The following DISP1 variants were observed in gnomAD, a reference collection of about 807,000 sequenced individuals.
DISP1 encodes the protein protein dispatched homolog 1.
DISP1 carries 30 observed loss-of-function variants against 37.3 expected under a neutral mutation model. That is an observed-to-expected ratio of 0.80 (90% confidence interval 0.60 to 1.09). DISP1 has a LOEUF of 1.09. DISP1 is among the 50% of genes least tolerant of loss of function. DISP1 has a pLI of 0.00. For synonymous variants in DISP1, 634 were observed against 690.2 expected (o/e 0.92, Z 1.28); for missense variants, 1,598 against 1,879.5 (o/e 0.85, Z 2.77).
At chr1:222,894,014 T>A (rs1187231754) in intron 1 of DISP1, among the ~76,000 whole-genome samples, 3 of 151,986 alleles carry the variant, frequency 2.0e-5, no homozygotes, top group African/African-American at 7.3e-5. Context: ...TCCCTACAAG[T>A]TGAGGAGACG....
At position 222,820,853 on chromosome 1, in the gene DISP1, A is replaced by G. The variant is rs566600199; in HGVS notation, c.-159+5775A>G. ...TAGCATTTATTTTACTGTATCATGC[A>G]GGCTGGCTGAGGGTGTTACTAGAAG... is the stretch of plus-strand genomic sequence containing the variant. On this transcript the variant is annotated intron_variant, in intron 1 of 8. Coordinates refer to ENST00000675850, the MANE Select transcript of DISP1 (RefSeq NM_001377229.1). Among the ~76,000 whole-genome samples the G allele has an allele frequency of 2.6e-5, 4 of 152,334 alleles. No individual in the cohort carries two copies. In the South Asian group the frequency reaches 8.3e-4, roughly 32 times the overall value.
chr1:222,840,182 G>A (rs569018979), intron 1 of DISP1, among the ~76,000 whole-genome samples: 56 of 152,136 alleles, frequency 3.7e-4, no homozygotes, highest in African/African-American at 1.0e-3. Context: ...TGGTAAAGTC[G>A]AACTATTATA....
At chr1:222,969,647 A>G (rs1285082421) in intron 3 of DISP1, among the ~76,000 whole-genome samples, 3 of 151,984 alleles carry the variant, frequency 2.0e-5, no homozygotes, top group Non-Finnish European at 4.4e-5. Flanking sequence ...AGAAGATTTT[A>G]ATTATATGGA....
At chr1:222,920,457 AT>A (rs1438851268) in intron 1 of DISP1, among the ~76,000 whole-genome samples, 2 of 152,194 alleles carry the variant, frequency 1.3e-5, no homozygotes. Context: ...TTATTTTGTT[AT>A]GGCTGAAGTG....
At chr1:222,985,586 G>T (rs552704487) in intron 4 of DISP1, among the ~76,000 whole-genome samples, 6 of 152,302 alleles carry the variant, frequency 3.9e-5, no homozygotes, top group African/African-American at 1.4e-4. Context: ...GGAGGTGGAG[G>T]TTGCAGTGAG....
chr1:222,855,636 T>G (rs1189156216), intron 1 of DISP1, among the ~76,000 whole-genome samples: 1 of 152,232 alleles, frequency 6.6e-6, no homozygotes, highest in Non-Finnish European at 1.5e-5. Context: ...TCTTATTTGG[T>G]TGCTAAATGC....
rs952101465 is a variant in DISP1 at position 223,004,263 on chromosome 1, A to C, written c.2866A>C (p.Ser956Arg). Residue 956 changes from serine to arginine, a missense_variant, in exon 9 of 9, where the codon AGT becomes CGT. Coordinates refer to ENST00000675850, the MANE Select transcript of DISP1 (RefSeq NM_001377229.1). The surrounding 1 kb of genome is among the most constrained non-coding windows in gnomAD (Gnocchi z 4.9). ...GGACTCGTGGATATCCAGTGAGCTG[A>C]GTTCGGCCCCTGAAGGCCTCAGCAA... ...EVDSWISSEL[S>R]SAPEGLSNGW... is the part of the protein sequence containing the mutation. 5 of 1,614,106 alleles carry C rather than the reference A, an allele frequency of 3.1e-6. No individual in the cohort carries two copies. In the South Asian group the frequency reaches 5.5e-5, roughly 18 times the overall value.
intron 1 of DISP1, among the ~76,000 whole-genome samples, chr1:222,867,884 C>G (rs551780615): frequency 3.3e-5 from 5 of 152,098 alleles, no homozygotes; most frequent in Non-Finnish European, 7.4e-5. Context: ...AAGCTTTTCT[C>G]TACTCCCTAA....
chr1:222,979,194 G>A (rs2378618), intron 3 of DISP1, among the ~76,000 whole-genome samples: 91,283 of 151,940 alleles, frequency 0.6, 28,868 homozygotes, highest in East Asian at 0.74. Flanking sequence ...TGTCACTTGA[G>A]CCCAGGAGTT....
intron 2 of DISP1, among the ~76,000 whole-genome samples, chr1:222,936,525 ATGTCTC>A (rs1481710715): frequency 7.6e-6 from 1 of 131,628 alleles, no homozygotes; most frequent in African/African-American, 2.8e-5. Context: ...TATGATGGAA[ATGTCTC>A]TCTCTCTCTC....
At chr1:222,850,454 A>T (rs574625850) in intron 1 of DISP1, among the ~76,000 whole-genome samples, 88 of 151,224 alleles carry the variant, frequency 5.8e-4, no homozygotes, top group Non-Finnish European at 4.3e-4. Flanking sequence ...TAATTTTTTT[A>T]AATTTTAGTT....
At chr1:222,872,357 A>C (rs1164050198) in intron 1 of DISP1, 2 of 152,204 alleles carry the variant, frequency 1.3e-5, no homozygotes, top group Non-Finnish European at 2.9e-5. Flanking sequence ...TTTCAGAAGG[A>C]ATGGTACCAG....
intron 1 of DISP1, among the ~76,000 whole-genome samples, chr1:222,908,675 C>T (rs962637690): frequency 3.9e-5 from 6 of 152,016 alleles, no homozygotes; most frequent in East Asian, 3.9e-4. Flanking sequence ...ATTACAGGCA[C>T]GAGCCACTGT....
chr1:222,892,341 G>A (rs139292797), intron 1 of DISP1, among the ~76,000 whole-genome samples: 25 of 152,314 alleles, frequency 1.6e-4, no homozygotes, highest in Non-Finnish European at 2.9e-4. Context: ...TGGCTTTGCC[G>A]TGTACTAGTG....
At chr1:223,001,715 C>A (rs1203285712) in intron 8 of DISP1, among the ~76,000 whole-genome samples, 1 of 152,154 alleles carries the variant, frequency 6.6e-6, no homozygotes. Context: ...CTTATAAAAG[C>A]ACTACTCCCA....
In DISP1 at chr1:223,004,942, G is replaced by A; in HGVS notation, c.3545G>A (p.Gly1182Asp). The A allele has an allele frequency of 6.2e-7, 1 of 1,613,032 alleles. No homozygotes were observed. The change falls in exon 9 of 9, where the codon GGC (glycine) becomes GAC (aspartate). Residue 1182 changes from glycine to aspartate, a missense_variant. Physicochemically the swap from Gly to Asp is moderately conservative, Grantham distance 94. Transcript: ENST00000675850. The surrounding 1 kb of genome is among the most constrained non-coding windows in gnomAD (Gnocchi z 4.9). ...TINAYHLDPR[G>D]PKSELEHEFY... ...AATGCTTATCATTTAGATCCCAGGG[G>A]CCCAAAATCTGAACTGGAGCATGAG...
rs554445966 is a variant in DISP1 at position 222,841,032 on chromosome 1, TTATCA to T, written c.-159+25956_-159+25960del. The stretch of plus-strand genomic sequence containing the variant: ...ATCTTGGACACAGATTTTGTCTTAT[TTATCA>T]TTGTGATTCCATTACATAGCACAGT... On this transcript the variant is annotated intron_variant, in intron 1 of 8. Transcript: ENST00000675850. Among the ~76,000 whole-genome samples, 333 of 152,276 alleles carry T rather than the reference TTATCA, an allele frequency of 2.2e-3. 2 individuals are homozygous for T. The highest frequency in any genetic ancestry group is 4.1e-3 in the Non-Finnish European group (277 of 68,014).
intron 3 of DISP1, among the ~76,000 whole-genome samples, chr1:222,955,910 A>C (rs1675560750): frequency 6.6e-6 from 1 of 152,208 alleles, no homozygotes; most frequent in South Asian, 2.1e-4. Flanking sequence ...TTCTATGTGA[A>C]TATGCTGAGT....
At position 222,992,071 on chromosome 1, in the gene DISP1, TG is replaced by T; in HGVS notation, c.852del (p.Trp284Ter). 2 of 1,614,046 alleles carry T rather than the reference TG, an allele frequency of 1.2e-6. No individual in the cohort carries two copies. The highest frequency in any genetic ancestry group is 1.7e-6 in the Non-Finnish European group (2 of 1,179,936). ...HYEREKREVD[W>X]NFHKDSFFCD... Reference sequence around the variant, plus strand: ...TGAAAGAGAGAAAAGAGAAGTTGACTGGAACTTCCACAAGGACAGCTTTTTC... The same window carrying T: ...TGAAAGAGAGAAAAGAGAAGTTGACTGAACTTCCACAAGGACAGCTTTTTC... On this transcript the variant is annotated frameshift_variant, in exon 7 of 9. Coordinates refer to ENST00000675850, the MANE Select transcript of DISP1 (RefSeq NM_001377229.1). LOFTEE classifies it high-confidence loss of function.
Sources: gnomAD v4.1 joint callset for allele counts (sites outside exome capture counted in the v4.1 genomes callset) on GRCh38, gnomAD v4.1.1 for gene constraint, Gnocchi (gnomAD v3.1) non-coding constraint, MANE v1.5 for transcripts, NCBI Gene and HGNC (gene_info 2026-07-23, HGNC 2026-07-21) for gene names.